The following ARSG variants were observed in gnomAD, a reference collection of about 807,000 sequenced individuals.
The protein encoded by ARSG is arylsulfatase G.
A neutral mutation model predicts 50.5 loss-of-function variants in ARSG; 37 were observed. That is an observed-to-expected ratio of 0.73 (90% CI 0.56 to 0.96). The LOEUF (loss-of-function observed/expected upper bound fraction) is 0.96, where lower values mean the gene tolerates loss of function less well. ARSG is among the 50% of genes least tolerant of loss of function. The pLI, the probability that ARSG is intolerant of heterozygous loss-of-function variation, is 0.00. For synonymous variants in ARSG, 225 were observed against 254.6 expected (o/e 0.88, Z 1.11); for missense variants, 629 against 675.3 (o/e 0.93, Z 0.76).
intron 10 of ARSG, among the ~76,000 whole-genome samples, chr17:68,396,909 T>C (rs2147172870): frequency 6.6e-6 from 1 of 152,220 alleles, no homozygotes; most frequent in Admixed American, 6.5e-5. Context: ...GTTTCCGCCT[T>C]GAGGTTGGAA....
At position 68,269,673 on chromosome 17, in the gene ARSG, GT is replaced by G. The variant is rs782421181; in HGVS notation, c.-552+10265del. On this transcript the variant is annotated intron_variant, in intron 1 of 11. Coordinates refer to the ARSG transcript ENST00000448504. The stretch of plus-strand genomic sequence containing the variant: ...TTATTTTCACTTGAGTTCACTTTAG[GT>G]TTTTTTTTTTTTTTTTTAGACAGAG... Among the ~76,000 whole-genome samples, 359 of 77,880 alleles carry G rather than the reference GT, an allele frequency of 4.6e-3. 10 individuals are homozygous for G. The highest frequency in any genetic ancestry group is 8.3e-3 in the South Asian group (17 of 2,042). 51.1% of individuals were successfully genotyped at this position (77,880 alleles called of 152,430 possible). A position where few individuals can be genotyped will look rare whatever the true frequency, so the allele number is the denominator to read the frequency against.
At chr17:68,316,116 A>G (rs2077060997) in intron 2 of ARSG, among the ~76,000 whole-genome samples, 1 of 152,152 alleles carries the variant, frequency 6.6e-6, no homozygotes, top group Non-Finnish European at 1.5e-5. Flanking sequence ...TTCCTTGAAC[A>G]TATGCTTTTC....
intron 5 of ARSG, among the ~76,000 whole-genome samples, chr17:68,353,968 C>G (rs1394369503): frequency 1.3e-5 from 2 of 151,078 alleles, no homozygotes; most frequent in African/African-American, 4.9e-5. Flanking sequence ...TCCCGAAATG[C>G]TGGGATTACA....
At chr17:68,437,079 C>A in the ARSG span, among the ~76,000 whole-genome samples, 2 of 150,360 alleles carry the variant, frequency 1.3e-5, no homozygotes, top group South Asian at 4.2e-4. Context: ...GACTCTGAAA[C>A]AGCATCTACT....
intron 11 of ARSG, among the ~76,000 whole-genome samples, chr17:68,409,393 G>T (rs1226579333): frequency 4.4e-4 from 66 of 150,134 alleles, no homozygotes; most frequent in Admixed American, 9.9e-4. Context: ...TTTCCCCATT[G>T]CTTGTTTTTC....
At chr17:68,262,916 T>C (rs2075095945) in intron 1 of ARSG, among the ~76,000 whole-genome samples, 1 of 152,192 alleles carries the variant, frequency 6.6e-6, no homozygotes, top group African/African-American at 2.4e-5. Flanking sequence ...GGGACAAAGT[T>C]GGGACTAAGA....
chr17:68,393,649 T>C (rs1156615000), intron 9 of ARSG, among the ~76,000 whole-genome samples: 2 of 151,966 alleles, frequency 1.3e-5, no homozygotes, highest in Admixed American at 6.6e-5. Context: ...GGTGGATCAC[T>C]TGAGGTCAGG....
chr17:68,429,905 T>C, the ARSG span: 3 of 1,583,730 alleles, frequency 1.9e-6, no homozygotes, highest in African/African-American at 4.1e-5. Context: ...AAGTTTTCTT[T>C]TTTTCTTTTC....
chr17:68,401,416 C>T lies in ARSG; in HGVS notation c.1269C>T (p.Val423=). Residue 423 remains valine, a synonymous_variant, in exon 11 of 12, where the codon GTC becomes GTT. Transcript: ENST00000621439. ...AAGEFGALQT[V]RLERYKAFYI... The stretch of plus-strand genomic sequence containing the variant: ...GAGAGTTTGGAGCCCTGCAGACTGT[C>T]CGCCTGGAGCGTTACAAGGCCTTCT... 2 of 1,614,082 alleles carry T rather than the reference C, an allele frequency of 1.2e-6. No individual in the cohort carries two copies. The highest frequency in any genetic ancestry group is 2.2e-5 in the South Asian group (2 of 91,084).
upstream of ARSG, among the ~76,000 whole-genome samples, chr17:68,287,495 GC>G (rs1322987119): frequency 6.6e-6 from 1 of 152,072 alleles, no homozygotes; most frequent in Non-Finnish European, 1.5e-5. Context: ...TCCTTTCTGA[GC>G]CACTGCTGGG....
the ARSG span, among the ~76,000 whole-genome samples, chr17:68,443,227 C>T: frequency 6.6e-6 from 1 of 152,158 alleles, no homozygotes; most frequent in Non-Finnish European, 1.5e-5. Context: ...TTTCCTGTCT[C>T]AACCTCCCAA....
At position 68,303,740 on chromosome 17, in the gene ARSG, G is replaced by A. The variant is rs140444820; in HGVS notation, c.-551-3203G>A. Among the ~76,000 whole-genome samples, 6 of 152,250 alleles carry A rather than the reference G, an allele frequency of 3.9e-5. No individual in the cohort carries two copies. The South Asian group carries it at 8.3e-4, about 21-fold the overall frequency. On this transcript the variant is annotated intron_variant, in intron 1 of 11. Transcript: ENST00000621439. The stretch of plus-strand genomic sequence containing the variant: ...GCTGAGATTACAGGCATGAGCCACC[G>A]CACCCAGCCCCATTTTCCTTATAGC...
upstream of ARSG, among the ~76,000 whole-genome samples, chr17:68,288,654 C>T (rs4968868): frequency 0.36 from 54,643 of 152,002 alleles, 9,966 homozygotes; most frequent in Admixed American, 0.39. Context: ...CTCTGATGAG[C>T]TTAGATCTCT....
chr17:68,409,526 C>A (rs1228321818), intron 11 of ARSG, among the ~76,000 whole-genome samples: 1 of 151,888 alleles, frequency 6.6e-6, no homozygotes, highest in Non-Finnish European at 1.5e-5. Context: ...TTACTGTAGC[C>A]TTGTAGTATA....
At chr17:68,266,938 A>G (rs1427699533) in intron 1 of ARSG, 5 of 152,218 alleles carry the variant, frequency 3.3e-5, no homozygotes, top group African/African-American at 1.2e-4. Flanking sequence ...ATTTATTTGG[A>G]GTGAATCTTT....
At chr17:68,349,147 A>G (rs11868200) in intron 4 of ARSG, among the ~76,000 whole-genome samples, 6,214 of 152,004 alleles carry the variant, frequency 0.041, 186 homozygotes, top group Middle Eastern at 0.068. Context: ...AAAAATAAAA[A>G]ATTAGCTCAG....
intron 8 of ARSG, among the ~76,000 whole-genome samples, chr17:68,372,529 G>C (rs2079900110): frequency 6.6e-6 from 1 of 152,096 alleles, no homozygotes; most frequent in Non-Finnish European, 1.5e-5. Flanking sequence ...GAGAGTGAAG[G>C]GGAAGGCGCC....
chr17:68,372,358 A>G (rs1214331947), intron 8 of ARSG, among the ~76,000 whole-genome samples: 3 of 152,186 alleles, frequency 2.0e-5, no homozygotes, highest in Non-Finnish European at 4.4e-5. Context: ...GCTATAAAGA[A>G]CTACCTGAGA....
At chr17:68,436,343 G>A in the ARSG span, 1 of 1,577,840 alleles carries the variant, frequency 6.3e-7, no homozygotes, top group Non-Finnish European at 8.7e-7. Flanking sequence ...ACACAGCCAA[G>A]GCAGGTGGGT....
Sources: gnomAD v4.1 joint callset for allele counts (sites outside exome capture counted in the v4.1 genomes callset) on GRCh38, gnomAD v4.1.1 for gene constraint, MANE v1.5 for transcripts, NCBI Gene and HGNC (gene_info 2026-07-23, HGNC 2026-07-21) for gene names.